The following RBMS3 variants were observed in gnomAD, a reference collection of about 807,000 sequenced individuals.
RBMS3 encodes RNA binding motif single stranded interacting protein 3, also known as RNA-binding motif, single-stranded-interacting protein 3.
RBMS3 carries 27 observed loss-of-function variants against 66.8 expected under a neutral mutation model. The ratio of observed to expected loss-of-function variants is 0.40; its 90% confidence interval spans 0.30 to 0.56. The LOEUF is 0.56. Among genes scored for constraint, RBMS3 ranks in the 20% least tolerant of loss-of-function variants. RBMS3 has a pLI of 0.40. For missense variants in RBMS3, 513 were observed against 549.5 expected, an observed-to-expected ratio of 0.93 and a Z score of 0.66; for synonymous variants, 188 against 183.0, an observed-to-expected ratio of 1.03 and a Z score of -0.22.
At chr3:29,671,742 A>G (rs1353410935) in intron 4 of RBMS3, among the ~76,000 whole-genome samples, 2 of 152,200 alleles carry the variant, frequency 1.3e-5, no homozygotes, top group Non-Finnish European at 2.9e-5. Flanking sequence ...AAAAAAGAGT[A>G]AAAAGCAACA....
intron 1 of RBMS3, among the ~76,000 whole-genome samples, chr3:29,291,426 A>T (rs535500210): frequency 6.6e-5 from 10 of 152,014 alleles, no homozygotes; most frequent in Middle Eastern, 3.4e-3. Flanking sequence ...AAGCAGACAC[A>T]TTGGATTGAC....
intron 6 of RBMS3, among the ~76,000 whole-genome samples, chr3:29,794,903 G>A (rs1016161464): frequency 3.9e-5 from 6 of 152,098 alleles, no homozygotes; most frequent in Non-Finnish European, 5.9e-5. Context: ...TTTCTTTCTC[G>A]CAGGCCTCCC....
At chr3:29,523,988 C>T (rs758212245) in intron 3 of RBMS3, among the ~76,000 whole-genome samples, 1 of 152,090 alleles carries the variant, frequency 6.6e-6, no homozygotes, top group East Asian at 1.9e-4. Context: ...CCTTCTAGCT[C>T]AGCCTCCCAA....
intron 3 of RBMS3, among the ~76,000 whole-genome samples, chr3:29,510,598 T>C (rs1249475534): frequency 6.6e-6 from 1 of 152,172 alleles, no homozygotes; most frequent in African/African-American, 2.4e-5. Context: ...AATATTTGCA[T>C]TCTAATTGAG....
intron 7 of RBMS3, among the ~76,000 whole-genome samples, chr3:29,877,657 G>A (rs1212386285): frequency 6.6e-6 from 1 of 152,110 alleles, no homozygotes. Context: ...CATCCCTTTA[G>A]CAGGTGAGAG....
chr3:29,927,789 T>C (rs1175881413), intron 10 of RBMS3, among the ~76,000 whole-genome samples: 2 of 152,162 alleles, frequency 1.3e-5, no homozygotes, highest in Admixed American at 6.5e-5. Flanking sequence ...TCGTAGATTA[T>C]GTGTGCTATG....
At chr3:29,597,517 C>T (rs1170990839) in intron 4 of RBMS3, among the ~76,000 whole-genome samples, 1 of 152,110 alleles carries the variant, frequency 6.6e-6, no homozygotes, top group Non-Finnish European at 1.5e-5. Flanking sequence ...CTTTTCCCAC[C>T]GTGTCCAGGA....
At chr3:29,881,787 A>G (rs1403369960) in intron 7 of RBMS3, among the ~76,000 whole-genome samples, 1 of 152,190 alleles carries the variant, frequency 6.6e-6, no homozygotes, top group African/African-American at 2.4e-5. Flanking sequence ...TGGCCAGAAC[A>G]AACAAGCATG....
In RBMS3 at chr3:29,777,616, C is replaced by G. The variant is rs143988044; in HGVS notation, c.637+14627C>G. Among the ~76,000 whole-genome samples the G allele has an allele frequency of 2.0e-5, 3 of 151,900 alleles. No individual in the cohort carries two copies. The East Asian group carries it at 5.8e-4, about 29-fold the overall frequency. On this transcript the variant is annotated intron_variant, in intron 6 of 14. Transcript: ENST00000383767. Reference sequence around the variant, plus strand: ...GACAATGTTTAAAAGCACAAGAACCCTTTTCATTTTTATAAAGATTAAATT... The same window carrying G: ...GACAATGTTTAAAAGCACAAGAACCGTTTTCATTTTTATAAAGATTAAATT...
At chr3:29,984,953 C>T (rs1290149234) in intron 12 of RBMS3, among the ~76,000 whole-genome samples, 1 of 152,206 alleles carries the variant, frequency 6.6e-6, no homozygotes. Flanking sequence ...CTGCTCTCTT[C>T]AGAGCCAGCA....
chr3:29,330,061 C>G (rs2035565663), intron 1 of RBMS3, among the ~76,000 whole-genome samples: 1 of 152,032 alleles, frequency 6.6e-6, no homozygotes, highest in African/African-American at 2.4e-5. Context: ...TATGACATCA[C>G]TAGGGACTAT....
intron 6 of RBMS3, among the ~76,000 whole-genome samples, chr3:29,855,798 G>A (rs1193202755): frequency 6.6e-6 from 1 of 152,186 alleles, no homozygotes; most frequent in African/African-American, 2.4e-5. Context: ...TTGTCAGGGT[G>A]CCTTCCACGC....
At chr3:29,415,416 T>G (rs908710341) in intron 1 of RBMS3, among the ~76,000 whole-genome samples, 3 of 152,156 alleles carry the variant, frequency 2.0e-5, no homozygotes, top group African/African-American at 7.2e-5. Context: ...TATTTTTGTG[T>G]GCTAATGGTC....
chr3:29,880,812 C>A (rs772756863), intron 7 of RBMS3: 1 of 1,535,880 alleles, frequency 6.5e-7, no homozygotes, highest in South Asian at 1.2e-5. Flanking sequence ...TAGGCAAAAT[C>A]GTGAAGTAGG....
At chr3:29,757,577 A>G (rs1050876195) in intron 5 of RBMS3, among the ~76,000 whole-genome samples, 1 of 152,216 alleles carries the variant, frequency 6.6e-6, no homozygotes, top group African/African-American at 2.4e-5. Flanking sequence ...CCTGGGCCTC[A>G]TGCCAAAACA....
chr3:29,378,789 G>A lies in RBMS3; in HGVS notation c.76-55954G>A, dbSNP rs919947546. On this transcript the variant is annotated intron_variant, in intron 1 of 14. Coordinates refer to ENST00000383767, the MANE Select transcript of RBMS3 (RefSeq NM_001003793.3). ...AGAATTGTATCGAAAATCTTAAAAC[G>A]ATTTTTTTCCAGTGATCATTCCTAA... 2.0e-5 allele frequency among the ~76,000 whole-genome samples: 3 copies of A among 151,164 alleles called. No individual in the cohort carries two copies. In the South Asian group the frequency reaches 6.3e-4, roughly 32 times the overall value.
chr3:29,588,344 C>A (rs577089356), intron 4 of RBMS3, among the ~76,000 whole-genome samples: 18 of 152,098 alleles, frequency 1.2e-4, no homozygotes, highest in Middle Eastern at 3.4e-3. Context: ...ATGCTCTGCT[C>A]GTGTATACAT....
At chr3:29,839,854 A>G (rs1329581670) in intron 6 of RBMS3, among the ~76,000 whole-genome samples, 1 of 151,914 alleles carries the variant, frequency 6.6e-6, no homozygotes, top group Non-Finnish European at 1.5e-5. Context: ...GACATCTACT[A>G]AACACGAAAT....
Position 29,988,138 on chromosome 3 carries a change from T to C in RBMS3, c.1099-5T>C, listed in dbSNP as rs747296496. 6.2e-7 allele frequency: 1 copy of C among 1,607,946 alleles called. No individual in the cohort carries two copies. Among genetic ancestry groups the C allele is most frequent in the Non-Finnish European group, 8.5e-7 (1 of 1,174,488 alleles). ...TCACATGCATTTTTCTTTGATTCTC[T>C]CTAGTATATGACTGCTGCTGCTCCT... On this transcript the variant is annotated splice_polypyrimidine_tract_variant and splice_region_variant and intron_variant, in intron 12 of 14. Coordinates refer to ENST00000383767, the MANE Select transcript of RBMS3 (RefSeq NM_001003793.3).
Sources: gnomAD v4.1 joint callset for allele counts (sites outside exome capture counted in the v4.1 genomes callset) on GRCh38, gnomAD v4.1.1 for gene constraint, MANE v1.5 for transcripts, NCBI Gene and HGNC (gene_info 2026-07-23, HGNC 2026-07-21) for gene names.